GALNT16: variants seen among roughly 807,000 people sequenced by gnomAD.
GALNT16 encodes the protein UDP-GalNAc:polypeptide N-acetylgalactosaminyltransferase-like protein 1.
Under a neutral mutation model 76.1 loss-of-function variants are expected in GALNT16, and 40 were observed. The observed-to-expected ratio is 0.53, with a 90% confidence interval of 0.41 to 0.68. GALNT16 has a LOEUF of 0.68. Ranked by LOEUF, GALNT16 falls within the 30% of genes least tolerant of loss-of-function variation. GALNT16 has a pLI of 0.00. For synonymous variants in GALNT16, 276 were observed against 285.2 expected, an observed-to-expected ratio of 0.97 and a Z score of 0.32; for missense variants, 621 against 731.9, an observed-to-expected ratio of 0.85 and a Z score of 1.75.
At chr14:69,318,916 C>T (rs564262007) in intron 1 of GALNT16, among the ~76,000 whole-genome samples, 28 of 152,378 alleles carry the variant, frequency 1.8e-4, no homozygotes, top group South Asian at 1.7e-3. Flanking sequence ...ATCCTTCTGG[C>T]GATCCAGGGC....
At chr14:69,379,195 C>A in the GALNT16 span, among the ~76,000 whole-genome samples, 87 of 152,332 alleles carry the variant, frequency 5.7e-4, no homozygotes, top group Admixed American at 1.3e-3. Flanking sequence ...CCACCTCAAC[C>A]TCCCAAAGTG....
At chr14:69,359,782 C>T (rs1295485362), downstream of GALNT16, among the ~76,000 whole-genome samples, 2 of 152,212 alleles carry the variant, frequency 1.3e-5, no homozygotes, top group South Asian at 2.1e-4. Flanking sequence ...AATTCCAGCA[C>T]TTTGGGAGGC....
rs189717015 is a variant in GALNT16 at position 69,273,023 on chromosome 14, C to A, written c.177+12556C>A. Among the ~76,000 whole-genome samples, 29 of 152,368 alleles carry A rather than the reference C, an allele frequency of 1.9e-4. No homozygotes were observed. The East Asian group carries it at 5.4e-3, about 28-fold the overall frequency. ...ATACAAAGTGAAGAATCTGGCTACG[C>A]ATCCTAGTTTACCTTGACTTCAGGA... On this transcript the variant is annotated intron_variant, in intron 1 of 14. Coordinates refer to ENST00000448469, the MANE Select transcript of GALNT16 (RefSeq NM_001168368.2).
At chr14:69,320,455 T>C (rs2045160996) in intron 1 of GALNT16, among the ~76,000 whole-genome samples, 1 of 149,116 alleles carries the variant, frequency 6.7e-6, no homozygotes, top group Admixed American at 6.7e-5. Flanking sequence ...AGATCTGCAC[T>C]CCAGCCTGGG....
intron 1 of GALNT16, among the ~76,000 whole-genome samples, chr14:69,313,077 G>A (rs1184511765): frequency 1.3e-5 from 2 of 152,202 alleles, no homozygotes; most frequent in African/African-American, 2.4e-5. Flanking sequence ...AGGAGCATTT[G>A]GAGATAGAAA....
the GALNT16 span, among the ~76,000 whole-genome samples, chr14:69,372,665 C>T: frequency 3.1e-3 from 475 of 151,940 alleles, 4 homozygotes; most frequent in African/African-American, 0.011. Context: ...CTGGGATCTT[C>T]AGCCTTTTCT....
chr14:69,361,844 TA>T (rs1192912248), downstream of GALNT16, among the ~76,000 whole-genome samples: 1 of 151,948 alleles, frequency 6.6e-6, no homozygotes, highest in Non-Finnish European at 1.5e-5. Context: ...CCGTCTCTAC[TA>T]AAAAAACAAT....
In GALNT16 at chr14:69,261,901, C is replaced by T. The variant is rs1210840455; in HGVS notation, c.177+1434C>T. ...GTGCACTGTTCCCTTCTGGGCTGTT[C>T]TCCCAGGACACTGTTTCCAAAGCAC... On this transcript the variant is annotated intron_variant, in intron 1 of 14. Coordinates refer to ENST00000448469, the MANE Select transcript of GALNT16 (RefSeq NM_001168368.2). This position sits in a 1 kb window ranked among gnomAD's most constrained non-coding sequence, Gnocchi z 6.4. 6.6e-6 allele frequency among the ~76,000 whole-genome samples: 1 copy of T among 152,182 alleles called. No homozygotes were observed. Among genetic ancestry groups the T allele is most frequent in the Admixed American group, 6.5e-5 (1 of 15,284 alleles).
intron 1 of GALNT16, among the ~76,000 whole-genome samples, chr14:69,299,493 C>CG (rs1326833136): frequency 6.6e-6 from 1 of 152,134 alleles, no homozygotes; most frequent in South Asian, 2.1e-4. Flanking sequence ...GGCTGACCTC[C>CG]GGGGGTGCTC....
intron 2 of GALNT16, among the ~76,000 whole-genome samples, chr14:69,322,913 G>T (rs1430891988): frequency 7.1e-6 from 1 of 140,898 alleles, no homozygotes; most frequent in Non-Finnish European, 1.5e-5. Context: ...AGAAAGCTGA[G>T]GTGGCTCACG....
chr14:69,282,632 C>T (rs1030724833), intron 1 of GALNT16, among the ~76,000 whole-genome samples: 3 of 150,648 alleles, frequency 2.0e-5, no homozygotes, highest in African/African-American at 7.3e-5. Context: ...GCTCTAAGTG[C>T]AGGCTTAAGA....
chr14:69,312,059 GTCTATCTATCTATCTATCTA>G lies in GALNT16; in HGVS notation c.178-8626_178-8607del, dbSNP rs3045602. On this transcript the variant is annotated intron_variant, in intron 1 of 14. Coordinates refer to ENST00000448469, the MANE Select transcript of GALNT16 (RefSeq NM_001168368.2). ...TTTCTAAAAAAAAAAAAAAAAATCTGTCTATCTATCTATCTATCTATCTATCTATCTATCTATCTATCTAT... is the reference window on the plus strand; with the variant it reads ...TTTCTAAAAAAAAAAAAAAAAATCTGTCTATCTATCTATCTATCTATCTAT... 4.2e-5 allele frequency among the ~76,000 whole-genome samples: 4 copies of G among 94,240 alleles called. No homozygotes were observed. In the Admixed American group the frequency reaches 4.8e-4, roughly 11 times the overall value. The allele number at this position is 94,240 out of a possible 152,430, so 61.8% of individuals were successfully genotyped here.
chr14:69,306,852 A>G (rs1439335924), intron 1 of GALNT16, among the ~76,000 whole-genome samples: 2 of 152,252 alleles, frequency 1.3e-5, no homozygotes, highest in African/African-American at 2.4e-5. Context: ...ACTGTTTTCC[A>G]AAAGGGTACT....
chr14:69,347,989 G>C lies in GALNT16; in HGVS notation c.1526G>C (p.Arg509Thr), dbSNP rs1023923525. 6.2e-7 allele frequency: 1 copy of C among 1,614,066 alleles called. No homozygotes were observed. Among genetic ancestry groups the C allele is most frequent in the Non-Finnish European group, 8.5e-7 (1 of 1,180,014 alleles). ...GTCATACTGCAGATGTGCAACCCTA[G>C]AGAAGGCAAGCAGGTGAGTCTCCTT... ...SPVILQMCNP[R>T]EGKQKWRRKG... The change falls in exon 14 of 15, where the codon AGA becomes ACA. Residue 509 changes from arginine (R) to threonine (T), a missense_variant. Coordinates refer to ENST00000448469, the MANE Select transcript of GALNT16 (RefSeq NM_001168368.2).
chr14:69,286,460 C>T (rs551626519), intron 1 of GALNT16, among the ~76,000 whole-genome samples: 7 of 152,114 alleles, frequency 4.6e-5, no homozygotes, highest in South Asian at 4.2e-4. Flanking sequence ...CCTGCCACCA[C>T]GCCTGGCTAA....
chr14:69,305,978 A>C (rs545409254), intron 1 of GALNT16, among the ~76,000 whole-genome samples: 8 of 152,150 alleles, frequency 5.3e-5, no homozygotes, highest in African/African-American at 1.9e-4. Context: ...ATTCTTTTGC[A>C]TGTGGATATC....
chr14:69,334,305 G>T (rs2045390886), intron 9 of GALNT16, among the ~76,000 whole-genome samples: 1 of 152,220 alleles, frequency 6.6e-6, no homozygotes, highest in South Asian at 2.1e-4. Context: ...AGCTCACGGT[G>T]TTGGGGCCAC....
intron 1 of GALNT16, among the ~76,000 whole-genome samples, chr14:69,318,846 G>A (rs925246969): frequency 5.3e-5 from 8 of 152,198 alleles, no homozygotes; most frequent in African/African-American, 1.9e-4. Context: ...GGCATCCATC[G>A]CTCTCCCAGG....
chr14:69,361,618 T>A (rs1474978432), downstream of GALNT16, among the ~76,000 whole-genome samples: 2 of 152,334 alleles, frequency 1.3e-5, no homozygotes, highest in East Asian at 3.9e-4. Flanking sequence ...TATCCTTACA[T>A]GGCTGATTCT....
Sources: gnomAD v4.1 joint callset for allele counts (sites outside exome capture counted in the v4.1 genomes callset) on GRCh38, gnomAD v4.1.1 for gene constraint, Gnocchi (gnomAD v3.1) non-coding constraint, MANE v1.5 for transcripts, NCBI Gene and HGNC (gene_info 2026-07-23, HGNC 2026-07-21) for gene names.